SYTL2: variants seen among roughly 807,000 people sequenced by gnomAD.
SYTL2 encodes the protein synaptotagmin like 2, also known as synaptotagmin-like protein 2.
In SYTL2, 165 loss-of-function variants were observed where a neutral mutation model predicts 198.7. The observed-to-expected ratio is 0.83, with a 90% CI of 0.73 to 0.94. The LOEUF (loss-of-function observed/expected upper bound fraction) is 0.94, where lower values mean the gene tolerates loss of function less well. Among genes scored for constraint, SYTL2 ranks in the 40% least tolerant of loss-of-function variants. The pLI, the probability that SYTL2 is intolerant of heterozygous loss-of-function variation, is 0.00. For synonymous variants in SYTL2, 966 were observed against 917.7 expected, an observed-to-expected ratio of 1.05 and a Z score of -0.95; for missense variants, 2,835 against 2,582.8, an observed-to-expected ratio of 1.10 and a Z score of -2.12.
rs1462786371 is a variant in SYTL2 at position 85,725,852 on chromosome 11, C to T, written c.3506G>A (p.Arg1169Lys). Reference sequence around the variant, plus strand: ...AAAATCTGTTTTTTGAGGCCATGTCCTATTTTCAGAAACACTTGGTTCAAG... The same window carrying T: ...AAAATCTGTTTTTTGAGGCCATGTCTTATTTTCAGAAACACTTGGTTCAAG... ...QVLEPSVSEN[R>K]TWPQKTDFAD... is the part of the protein sequence containing the mutation. Residue 1169 changes from arginine to lysine, a missense_variant, in exon 8 of 20, where the codon AGG (arginine) becomes AAG (lysine). Arg to Lys is a conservative substitution (Grantham distance 26, BLOSUM62 2). Transcript: ENST00000359152. 9 of 1,613,834 alleles carry T rather than the reference C, an allele frequency of 5.6e-6. No individual in the cohort carries two copies. Among genetic ancestry groups the T allele is most frequent in the Non-Finnish European group, 7.6e-6 (9 of 1,179,922 alleles).
At position 85,705,051 on chromosome 11, in the gene SYTL2, A is replaced by C. The variant is rs2084914585; in HGVS notation, c.6019-23T>G. 5 of 1,568,296 alleles carry C rather than the reference A, an allele frequency of 3.2e-6. No homozygotes were observed. In the East Asian group the frequency reaches 1.1e-4, roughly 35 times the overall value. ...ATACTGAAGTTCAAAGAAGAAAATT[A>C]AATGATGAAAAACATTACTTGATGC... On this transcript the variant is annotated intron_variant, in intron 15 of 19. Coordinates refer to ENST00000359152, the MANE Select transcript of SYTL2 (RefSeq NM_206927.4).
chr11:85,714,857 T>A (rs1237021437), intron 11 of SYTL2: 3 of 245,062 alleles, frequency 1.2e-5, no homozygotes, highest in Non-Finnish European at 2.2e-5. Context: ...AGTCTGTACT[T>A]TATTGGTTCA....
rs542670841 is a variant in SYTL2, at chr11:85,704,009, T to C, written c.6189+849A>G. Among the ~76,000 whole-genome samples the C allele has an allele frequency of 3.3e-5, 5 of 151,620 alleles. No homozygotes were observed. In the South Asian group the frequency reaches 1.0e-3, roughly 32 times the overall value. The stretch of plus-strand genomic sequence containing the variant: ...ATCCCAAAGGAGGCAATTACGAAAA[T>C]AAGAAAACAGGACAAATAGTAAGAT... On this transcript the variant is annotated intron_variant, in intron 16 of 19. Coordinates refer to ENST00000359152, the MANE Select transcript of SYTL2 (RefSeq NM_206927.4).
chr11:85,713,227 T>A (rs2086622318), intron 12 of SYTL2, among the ~76,000 whole-genome samples: 1 of 152,202 alleles, frequency 6.6e-6, no homozygotes, highest in African/African-American at 2.4e-5. Flanking sequence ...ATATAATTTA[T>A]GTGTTGCCCA....
chr11:85,853,391 T>C, the SYTL2 span: 2 of 431,662 alleles, frequency 4.6e-6, no homozygotes, highest in South Asian at 3.2e-5. Context: ...AAACATGTGC[T>C]GTGTCCACTC....
chr11:85,854,858 C>T, the SYTL2 span: 73 of 152,404 alleles, frequency 4.8e-4, no homozygotes, highest in African/African-American at 1.7e-3. Context: ...CACCAACTTC[C>T]AGGCTTGCGA....
At chr11:85,707,307 T>C in intron 15 of SYTL2, 122 bp downstream of exon 15, 1 of 670,166 alleles carries the variant, frequency 1.5e-6, no homozygotes, top group Non-Finnish European at 2.6e-6. Flanking sequence ...TCTCAGAACA[T>C]TTGTATTCCC....
At chr11:85,772,403 T>C (rs2092372726) in intron 1 of SYTL2, among the ~76,000 whole-genome samples, 1 of 152,254 alleles carries the variant, frequency 6.6e-6, no homozygotes, top group Non-Finnish European at 1.5e-5. Context: ...TAAGTCTTAA[T>C]GAATATCTGA....
At chr11:85,802,768 C>T (rs185916446) in intron 1 of SYTL2, among the ~76,000 whole-genome samples, 141 of 152,248 alleles carry the variant, frequency 9.3e-4, no homozygotes, top group African/African-American at 3.2e-3. Context: ...ATTTATTACC[C>T]CATCTTGTGA....
intron 2 of SYTL2, among the ~76,000 whole-genome samples, chr11:85,751,574 T>C (rs2091514493): frequency 6.6e-6 from 1 of 152,180 alleles, no homozygotes; most frequent in Admixed American, 6.5e-5. Flanking sequence ...TAAACACCGG[T>C]GGGCTGGTGG....
chr11:85,828,794 G>T, the SYTL2 span, among the ~76,000 whole-genome samples: 1 of 152,344 alleles, frequency 6.6e-6, no homozygotes, highest in East Asian at 1.9e-4. Flanking sequence ...TGGTTGTCCT[G>T]CTAGTAGGGG....
the SYTL2 span, among the ~76,000 whole-genome samples, chr11:85,843,188 A>C: frequency 5.3e-5 from 8 of 152,146 alleles, no homozygotes; most frequent in African/African-American, 1.9e-4. Context: ...AGCCTGGCCA[A>C]CATGGTGAAA....
chr11:85,733,291 T>C (rs2153484249), intron 7 of SYTL2, among the ~76,000 whole-genome samples: 1 of 152,374 alleles, frequency 6.6e-6, no homozygotes, highest in East Asian at 1.9e-4. Flanking sequence ...ACAAAGGTAT[T>C]AGCTAATGAA....
At chr11:85,780,681 G>C (rs943426629) in intron 1 of SYTL2, among the ~76,000 whole-genome samples, 1 of 152,078 alleles carries the variant, frequency 6.6e-6, no homozygotes, top group African/African-American at 2.4e-5. Flanking sequence ...CATATCCTTT[G>C]CAATATCCTT....
At chr11:85,758,562 T>A (rs1372661871) in intron 1 of SYTL2, among the ~76,000 whole-genome samples, 1 of 152,204 alleles carries the variant, frequency 6.6e-6, no homozygotes, top group Non-Finnish European at 1.5e-5. Context: ...ACAGGAGAAC[T>A]AGTATTAGAT....
chr11:85,776,361 T>C (rs1037875133), intron 1 of SYTL2, among the ~76,000 whole-genome samples: 5 of 152,214 alleles, frequency 3.3e-5, no homozygotes, highest in Admixed American at 3.3e-4. Flanking sequence ...CAACCCGTCA[T>C]CTACATTAGG....
chr11:85,845,336 T>A, the SYTL2 span, among the ~76,000 whole-genome samples: 3 of 152,220 alleles, frequency 2.0e-5, no homozygotes, highest in Non-Finnish European at 4.4e-5. Context: ...CCCAATGAAG[T>A]TGCTCCCAAA....
In SYTL2 at chr11:85,700,438, T is replaced by G. The variant is rs926284581; in HGVS notation, c.6268+77A>C. The G allele has an allele frequency of 2.5e-6, 3 of 1,212,230 alleles. No homozygotes were observed. The African/African-American group carries it at 4.5e-5, about 18-fold the overall frequency. 75.1% of individuals were successfully genotyped at this position (1,212,230 alleles called of 1,614,324 possible). On this transcript the variant is annotated intron_variant, in intron 17 of 19. Transcript: ENST00000359152. ...ATAAGTTTCTTTAGGGCCTCACCTT[T>G]GAAAACGCATAGTAAATACTGTGAG...
upstream of SYTL2, among the ~76,000 whole-genome samples, chr11:85,815,399 C>T (rs2093060184): frequency 6.6e-6 from 1 of 152,198 alleles, no homozygotes; most frequent in African/African-American, 2.4e-5. Flanking sequence ...AGTCATGGTA[C>T]TGAGTCACCA....
Sources: allele counts gnomAD v4.1 joint callset (sites outside exome capture counted in the v4.1 genomes callset), GRCh38; gene constraint gnomAD v4.1.1; transcripts MANE v1.5; gene names NCBI Gene and HGNC (gene_info 2026-07-23, HGNC 2026-07-21).